MAF: variants seen among roughly 807,000 people sequenced by gnomAD.
MAF encodes MAF bZIP transcription factor, also known as transcription factor Maf.
MAF carries 10 observed loss-of-function variants against 22.0 expected under a neutral mutation model. That is an observed-to-expected ratio of 0.45 (90% confidence interval 0.28 to 0.77). The LOEUF (loss-of-function observed/expected upper bound fraction) is 0.77, where lower values mean the gene tolerates loss of function less well. Among genes scored for constraint, MAF ranks in the 30% least tolerant of loss-of-function variants. MAF has a pLI of 0.12. For missense variants in MAF, 544 were observed against 548.4 expected (o/e 0.99, Z 0.08); for synonymous variants, 337 against 255.8 (o/e 1.32, Z -3.03).
the MAF span, among the ~76,000 whole-genome samples, chr16:79,487,043 A>G: frequency 3.3e-5 from 5 of 152,148 alleles, no homozygotes; most frequent in Non-Finnish European, 5.9e-5. Context: ...GGGGAGGCCT[A>G]AAGTTCCACT....
the MAF span, among the ~76,000 whole-genome samples, chr16:79,350,866 AGTGTGTGTGTGTGTGT>A: frequency 6.7e-6 from 1 of 148,406 alleles, no homozygotes; most frequent in African/African-American, 2.5e-5. Flanking sequence ...AACAGTGAGA[AGTGTGTGTGTGTGTGT>A]GTGTGTGTGT....
chr16:79,425,486 T>A, the MAF span, among the ~76,000 whole-genome samples: 1 of 152,148 alleles, frequency 6.6e-6, no homozygotes, highest in Non-Finnish European at 1.5e-5. Context: ...TGTCTTGGGG[T>A]GGGAACTGAT....
At chr16:79,506,559 G>C in the MAF span, among the ~76,000 whole-genome samples, 16,450 of 152,240 alleles carry the variant, frequency 0.11, 1,155 homozygotes, top group Admixed American at 0.21. Flanking sequence ...AGGGCTGGTA[G>C]ATAAAAAGGA....
chr16:79,283,261 G>T, the MAF span, among the ~76,000 whole-genome samples: 1 of 152,132 alleles, frequency 6.6e-6, no homozygotes, highest in Non-Finnish European at 1.5e-5. Context: ...GATGAACAAA[G>T]AAAACCATCT....
the MAF span, among the ~76,000 whole-genome samples, chr16:79,254,041 TA>T: frequency 6.6e-6 from 1 of 151,716 alleles, no homozygotes; most frequent in Non-Finnish European, 1.5e-5. Flanking sequence ...TTTTTTTTTA[TA>T]AAAAACTCTT....
At chr16:79,537,952 G>C in the MAF span, among the ~76,000 whole-genome samples, 1 of 152,140 alleles carries the variant, frequency 6.6e-6, no homozygotes, top group Non-Finnish European at 1.5e-5. Flanking sequence ...CGCGTAAACT[G>C]AATCTCAAGT....
the MAF span, among the ~76,000 whole-genome samples, chr16:79,526,820 T>C: frequency 2.0e-5 from 3 of 151,208 alleles, no homozygotes; most frequent in African/African-American, 7.3e-5. Context: ...ATGGGATACA[T>C]TCAATATTAC....
intron 1 of MAF, chr16:79,598,095 T>G (rs1169375316): frequency 9.6e-7 from 1 of 1,042,790 alleles, no homozygotes; most frequent in Non-Finnish European, 1.2e-6. Flanking sequence ...GTCTATAACA[T>G]TTCACATTTT....
chr16:79,401,353 C>A, the MAF span, among the ~76,000 whole-genome samples: 4 of 152,290 alleles, frequency 2.6e-5, no homozygotes, highest in East Asian at 7.7e-4. Context: ...GGAACTCTCT[C>A]CTAGACCCCA....
the MAF span, among the ~76,000 whole-genome samples, chr16:79,393,558 G>C: frequency 6.6e-6 from 1 of 152,170 alleles, no homozygotes; most frequent in Non-Finnish European, 1.5e-5. Flanking sequence ...CCTCAGTGCT[G>C]GGCCTCCTCA....
the MAF span, among the ~76,000 whole-genome samples, chr16:79,493,477 G>A: frequency 9.9e-5 from 15 of 152,258 alleles, no homozygotes; most frequent in Middle Eastern, 3.4e-3. Flanking sequence ...ACCGCACCTG[G>A]CCTCTTTTTG....
At chr16:79,419,860 C>A in the MAF span, among the ~76,000 whole-genome samples, 1 of 152,062 alleles carries the variant, frequency 6.6e-6, no homozygotes, top group Non-Finnish European at 1.5e-5. Context: ...CCTTACTTTG[C>A]AAACTTTGCT....
the MAF span, among the ~76,000 whole-genome samples, chr16:79,490,088 G>A: frequency 8.1e-4 from 123 of 152,354 alleles, no homozygotes; most frequent in Middle Eastern, 6.8e-3. Context: ...GCAAGGTAGA[G>A]TGGTCCAGGA....
the MAF span, among the ~76,000 whole-genome samples, chr16:79,511,500 C>T: frequency 6.6e-6 from 1 of 152,100 alleles, no homozygotes; most frequent in Non-Finnish European, 1.5e-5. Flanking sequence ...AAAAACATTG[C>T]TGCATTTAAC....
chr16:79,531,433 C>G, the MAF span, among the ~76,000 whole-genome samples: 1 of 152,068 alleles, frequency 6.6e-6, no homozygotes, highest in East Asian at 1.9e-4. Flanking sequence ...AAACACATTA[C>G]ATTATTGTGC....
the MAF span, among the ~76,000 whole-genome samples, chr16:79,374,059 CCA>C: frequency 9.2e-5 from 14 of 152,130 alleles, no homozygotes; most frequent in Admixed American, 3.3e-4. Context: ...AATCAAATCC[CCA>C]GTCTCCTCCT....
At chr16:79,451,754 C>A in the MAF span, among the ~76,000 whole-genome samples, 1 of 152,098 alleles carries the variant, frequency 6.6e-6, no homozygotes, top group Middle Eastern at 3.2e-3. Flanking sequence ...TAAAAATATT[C>A]CCCTTCCCCA....
chr16:79,523,755 A>G, the MAF span, among the ~76,000 whole-genome samples: 7 of 152,246 alleles, frequency 4.6e-5, no homozygotes, highest in African/African-American at 1.7e-4. Context: ...GTGCAATGCC[A>G]TATACATCCT....
chr16:79,387,313 A>T, the MAF span, among the ~76,000 whole-genome samples: 1 of 152,240 alleles, frequency 6.6e-6, no homozygotes, highest in Non-Finnish European at 1.5e-5. Context: ...GGGATTAAAA[A>T]GTCATTCTAA....
Sources: allele counts gnomAD v4.1 joint callset (sites outside exome capture counted in the v4.1 genomes callset), GRCh38; gene constraint gnomAD v4.1.1; transcripts MANE v1.5; gene names NCBI Gene and HGNC (gene_info 2026-07-23, HGNC 2026-07-21).